The following ADAT3 variants were observed in gnomAD, a reference collection of about 807,000 sequenced individuals.
ADAT3 encodes the protein tRNA-specific adenosine-34 deaminase regulatory subunit ADAT3.
In ADAT3, 2 loss-of-function variants were observed where a neutral mutation model predicts 3.5. The ratio of observed to expected loss-of-function variants is 0.57; its 90% CI spans 0.23 to 1.79. The LOEUF is 1.79. Ranked by LOEUF, ADAT3 falls within the 40% of genes most tolerant of loss-of-function variation. ADAT3 has a pLI of 0.18. For synonymous variants in ADAT3, 358 were observed against 270.3 expected, an observed-to-expected ratio of 1.32 and a Z score of -3.18; for missense variants, 735 against 571.4, an observed-to-expected ratio of 1.29 and a Z score of -2.92.
Position 1,913,139 on chromosome 19 carries a change from C to G in ADAT3, c.1092C>G (p.Asp364Glu), listed in dbSNP as rs1490889549. The change falls in exon 2 of 2, where the codon GAC becomes GAG. Residue 364 changes from aspartate (D) to glutamate (E), a missense_variant. Asp to Glu is a conservative substitution (Grantham distance 45). Coordinates refer to ENST00000329478, the MANE Select transcript of ADAT3 (RefSeq NM_138422.4). ...TGGAGGAGCAGTGCCGCTGGCTGGA[C>G]CCCGACACGTAGGCGCCGCCCTCCT... ...GVLEEQCRWL[D>E]PDT The G allele has an allele frequency of 1.3e-6, 2 of 1,560,274 alleles. No homozygotes were observed. Among genetic ancestry groups the G allele is most frequent in the South Asian group, 1.2e-5 (1 of 86,650 alleles).
chr19:1,912,748 A>G lies in ADAT3; in HGVS notation c.701A>G (p.Asp234Gly). 5 of 1,547,254 alleles carry G rather than the reference A, an allele frequency of 3.2e-6. No individual in the cohort carries two copies. The highest frequency in any genetic ancestry group is 4.3e-6 in the Non-Finnish European group (5 of 1,154,558). The change falls in exon 2 of 2, where the codon GAC becomes GGC. Residue 234 changes from aspartate to glycine, a missense_variant. Transcript: ENST00000329478. ...ACCGGCCACGACTGCAGCTGCGCGG[A>G]CAACCCCCTCCTGCACGCCGTCATG... ...LATGHDCSCA[D>G]NPLLHAVMVC...
At chr19:1,909,613 G>T (rs923473738) in intron 1 of ADAT3, among the ~76,000 whole-genome samples, 8 of 151,884 alleles carry the variant, frequency 5.3e-5, no homozygotes, top group Non-Finnish European at 1.2e-4. Context: ...CTGTGCCAGC[G>T]GCAGGGATGG....
At chr19:1,910,078 A>C (rs1299342991) in intron 1 of ADAT3, among the ~76,000 whole-genome samples, 1 of 152,202 alleles carries the variant, frequency 6.6e-6, no homozygotes, top group African/African-American at 2.4e-5. Context: ...ACTGCATAGC[A>C]GACTCCGTGC....
At position 1,913,100 on chromosome 19, in the gene ADAT3, G is replaced by A. The variant is rs2013584063; in HGVS notation, c.1053G>A (p.Val351=). The part of the protein sequence containing the change: ...ARPDLNHRFQ[V]FRGVLEEQCR... ...CCGACCTCAACCACCGCTTCCAGGT[G>A]TTCCGCGGGGTGCTGGAGGAGCAGT... is the stretch of plus-strand genomic sequence containing the variant. The change falls in exon 2 of 2, where the codon GTG becomes GTA. Residue 351 remains valine (V), a synonymous_variant. Transcript: ENST00000329478. 2 of 1,595,948 alleles carry A rather than the reference G, an allele frequency of 1.3e-6. No homozygotes were observed. The highest frequency in any genetic ancestry group is 1.1e-5 in the South Asian group (1 of 90,050).
chr19:1,910,790 T>C (rs1386107872), intron 1 of ADAT3, among the ~76,000 whole-genome samples: 1 of 151,980 alleles, frequency 6.6e-6, no homozygotes, highest in African/African-American at 2.4e-5. Context: ...TTGGTCAGGC[T>C]GGTCTCGATC....
At chr19:1,911,420 C>A (rs546618618) in intron 1 of ADAT3, among the ~76,000 whole-genome samples, 1 of 152,314 alleles carries the variant, frequency 6.6e-6, no homozygotes, top group East Asian at 1.9e-4. Flanking sequence ...GATCCCCCCA[C>A]CTCGGCCTCC....
chr19:1,912,799 GC>G lies in ADAT3; in HGVS notation c.754del (p.Gln252ArgfsTer51), dbSNP rs1599241871. ...GTGTGCGTGGACCTCGTGGCGCGCGGCCAGGGCCGCGGCACCTACGACTTCA... is the reference window on the plus strand; with the variant it reads ...GTGTGCGTGGACCTCGTGGCGCGCGGCAGGGCCGCGGCACCTACGACTTCA... ...VMVCVDLVAR[G>X]QGRGTYDFRP... On this transcript the variant is annotated frameshift_variant, in exon 2 of 2. Coordinates refer to ENST00000329478, the MANE Select transcript of ADAT3 (RefSeq NM_138422.4). LOFTEE classifies it low-confidence loss of function (END_TRUNC). The G allele has an allele frequency of 1.3e-6, 2 of 1,575,918 alleles. No individual in the cohort carries two copies. Among genetic ancestry groups the G allele is most frequent in the Middle Eastern group, 1.7e-4 (1 of 6,024 alleles).
chr19:1,910,030 C>G (rs1003453938), intron 1 of ADAT3, among the ~76,000 whole-genome samples: 5 of 152,208 alleles, frequency 3.3e-5, no homozygotes, highest in Admixed American at 1.3e-4. Flanking sequence ...TGGGAGGGGG[C>G]CCCGTGTCCC....
chr19:1,906,655 C>T (rs1432493903), intron 1 of ADAT3: 1 of 150,804 alleles, frequency 6.6e-6, no homozygotes, highest in Non-Finnish European at 1.5e-5. Context: ...TCAAGACCAT[C>T]CTGGCTAACA....
chr19:1,913,181 C>T lies in ADAT3; in HGVS notation c.*30C>T, dbSNP rs895121093. ...CGCCCTCCTGCCTCCGGACCCTTCC[C>T]GCTCCCGGCCGTGGGGCGCCCCTCC... On this transcript the variant is annotated 3_prime_UTR_variant, in exon 2 of 2. Transcript: ENST00000329478. The T allele has an allele frequency of 2.0e-6, 3 of 1,479,220 alleles. No individual in the cohort carries two copies. Among genetic ancestry groups the T allele is most frequent in the Non-Finnish European group, 2.7e-6 (3 of 1,115,516 alleles). 91.6% of individuals were successfully genotyped at this position (1,479,220 alleles called of 1,614,324 possible).
rs950688403 is a variant in ADAT3 at position 1,908,297 on chromosome 19, G to A, written c.-159+2858G>A. 1.2e-5 allele frequency: 4 copies of A among 326,258 alleles called. 1 individual carries two copies. Among genetic ancestry groups the A allele is most frequent in the South Asian group, 4.5e-5 (2 of 44,240 alleles). The allele number at this position is 326,258 out of a possible 1,614,324, so 20.2% of individuals were successfully genotyped here. A position where few individuals can be genotyped will look rare whatever the true frequency, so the allele number is the denominator to read the frequency against. On this transcript the variant is annotated intron_variant, in intron 1 of 1. Transcript: ENST00000329478. This position sits in a 1 kb window ranked among gnomAD's most constrained non-coding sequence, Gnocchi z 4.2. ...TCCGGTTCTGTGCTTTGTTGAACGC[G>A]TGAGCTTCGGGCAGCGCTGGGGCCG...
Position 1,913,412 on chromosome 19 carries a change from A to G in ADAT3, c.*261A>G, listed in dbSNP as rs2013607979. 1.7e-6 allele frequency: 1 copy of G among 585,242 alleles called. No homozygotes were observed. Among genetic ancestry groups the G allele is most frequent in the Admixed American group, 3.3e-5 (1 of 30,030 alleles). The allele number at this position is 585,242 out of a possible 1,614,324, so 36.3% of individuals were successfully genotyped here. Reference sequence around the variant, plus strand: ...TCCCCTCTGTCTCGCGGGCCGGGAAACTGCTCTGATGGGAAAATAAACAGC... The same window carrying G: ...TCCCCTCTGTCTCGCGGGCCGGGAAGCTGCTCTGATGGGAAAATAAACAGC... On this transcript the variant is annotated 3_prime_UTR_variant, in exon 2 of 2. Coordinates refer to ENST00000329478, the MANE Select transcript of ADAT3 (RefSeq NM_138422.4).
chr19:1,908,343 C>A lies in ADAT3; in HGVS notation c.-159+2904C>A. ...GGCCGCTTCAGCGTGACCTCCAAGG[C>A]CACTGGCCTGGAGTTCCACTGGCTG... On this transcript the variant is annotated intron_variant, in intron 1 of 1. Coordinates refer to ENST00000329478, the MANE Select transcript of ADAT3 (RefSeq NM_138422.4). This position sits in a 1 kb window ranked among gnomAD's most constrained non-coding sequence, Gnocchi z 4.2. 2.7e-6 allele frequency: 1 copy of A among 373,260 alleles called. No homozygotes were observed. 23.1% of individuals were successfully genotyped at this position (373,260 alleles called of 1,614,324 possible).
chr19:1,908,428 G>C lies in ADAT3; in HGVS notation c.-159+2989G>C, dbSNP rs549897909. ...AGGCGTGGACCAGGCAGTGCATGTCGAGGAGTAGCACCCACAGCTGCGCGG... is the reference window on the plus strand; with the variant it reads ...AGGCGTGGACCAGGCAGTGCATGTCCAGGAGTAGCACCCACAGCTGCGCGG... On this transcript the variant is annotated intron_variant, in intron 1 of 1. Coordinates refer to ENST00000329478, the MANE Select transcript of ADAT3 (RefSeq NM_138422.4). This position sits in a 1 kb window ranked among gnomAD's most constrained non-coding sequence, Gnocchi z 4.2. 2.2e-6 allele frequency: 1 copy of C among 463,992 alleles called. No homozygotes were observed. The highest frequency in any genetic ancestry group is 7.0e-5 in the East Asian group (1 of 14,292). 28.7% of individuals were successfully genotyped at this position (463,992 alleles called of 1,614,324 possible).
rs750102216 is a variant in ADAT3, at chr19:1,913,186, C to G, written c.*35C>G. Reference sequence around the variant, plus strand: ...TCCTGCCTCCGGACCCTTCCCGCTCCCGGCCGTGGGGCGCCCCTCCTGGAC... The same window carrying G: ...TCCTGCCTCCGGACCCTTCCCGCTCGCGGCCGTGGGGCGCCCCTCCTGGAC... On this transcript the variant is annotated 3_prime_UTR_variant, in exon 2 of 2. Coordinates refer to ENST00000329478, the MANE Select transcript of ADAT3 (RefSeq NM_138422.4). 44 of 1,476,014 alleles carry G rather than the reference C, an allele frequency of 3.0e-5. No homozygotes were observed. The highest frequency in any genetic ancestry group is 4.2e-5 in the African/African-American group (3 of 70,972). 91.4% of individuals were successfully genotyped at this position (1,476,014 alleles called of 1,614,324 possible). A position where few individuals can be genotyped will look rare whatever the true frequency, so the allele number is the denominator to read the frequency against.
chr19:1,905,695 C>T (rs1048184490), intron 1 of ADAT3: 1 of 153,568 alleles, frequency 6.5e-6, no homozygotes, highest in South Asian at 2.1e-4. Context: ...CCGGGCCTAG[C>T]GCCTTTCTGC....
At position 1,913,070 on chromosome 19, in the gene ADAT3, A is replaced by C. The variant is rs769858584; in HGVS notation, c.1023A>C (p.Ala341=). ...TGGGCACCCGCTTCCGCATCCACGC[A>C]CGGCCCGACCTCAACCACCGCTTCC... ...GALGTRFRIH[A]RPDLNHRFQV... is the part of the protein sequence containing the mutation. The change falls in exon 2 of 2, where the codon GCA becomes GCC. Residue 341 remains alanine, a synonymous_variant. Coordinates refer to ENST00000329478, the MANE Select transcript of ADAT3 (RefSeq NM_138422.4). 1 of 1,602,168 alleles carries C rather than the reference A, an allele frequency of 6.2e-7. No individual in the cohort carries two copies. Among genetic ancestry groups the C allele is most frequent in the Admixed American group, 1.7e-5 (1 of 59,850 alleles).
Position 1,913,072 on chromosome 19 carries a change from G to A in ADAT3, c.1025G>A (p.Arg342Gln). The change falls in exon 2 of 2, where the codon CGG becomes CAG. Residue 342 changes from arginine (R) to glutamine (Q), a missense_variant. Coordinates refer to ENST00000329478, the MANE Select transcript of ADAT3 (RefSeq NM_138422.4). ...ALGTRFRIHARPDLNHRFQVF... is the reference protein window; with the variant it reads ...ALGTRFRIHAQPDLNHRFQVF... ...GGCACCCGCTTCCGCATCCACGCAC[G>A]GCCCGACCTCAACCACCGCTTCCAG... is the stretch of plus-strand genomic sequence containing the variant. 13 of 1,601,934 alleles carry A rather than the reference G, an allele frequency of 8.1e-6. No homozygotes were observed. The highest frequency in any genetic ancestry group is 1.1e-5 in the Non-Finnish European group (13 of 1,178,560).
At chr19:1,907,678 C>T (rs905014608) in intron 1 of ADAT3, among the ~76,000 whole-genome samples, 4 of 152,142 alleles carry the variant, frequency 2.6e-5, no homozygotes, top group Non-Finnish European at 4.4e-5. Flanking sequence ...GGAGCTATGC[C>T]GGTTCCCAGC....
Sources: allele counts gnomAD v4.1 joint callset (sites outside exome capture counted in the v4.1 genomes callset), GRCh38; gene constraint gnomAD v4.1.1; non-coding constraint Gnocchi (gnomAD v3.1); transcripts MANE v1.5; gene names NCBI Gene and HGNC (gene_info 2026-07-23, HGNC 2026-07-21).